SLC26A9: variants seen among roughly 807,000 people sequenced by gnomAD.
The protein encoded by SLC26A9 is anion transporter/exchanger protein 9.
SLC26A9 carries 46 observed loss-of-function variants against 87.1 expected under a neutral mutation model. The observed-to-expected ratio is 0.53, with a 90% confidence interval of 0.42 to 0.67. The LOEUF (loss-of-function observed/expected upper bound fraction) is 0.67, where lower values mean the gene tolerates loss of function less well. Ranked by LOEUF, SLC26A9 falls within the 30% of genes least tolerant of loss-of-function variation. The pLI is 0.00. For synonymous variants in SLC26A9, 437 were observed against 409.1 expected (o/e 1.07, Z -0.82); for missense variants, 927 against 1,018.3 (o/e 0.91, Z 1.22).
intron 2 of SLC26A9, 45 bp downstream of exon 2, chr1:205,935,650 TG>T: frequency 6.2e-7 from 1 of 1,610,588 alleles, no homozygotes; most frequent in Non-Finnish European, 8.5e-7. Context: ...GAAAGGATTT[TG>T]GTAGGGAGCA....
chr1:205,935,462 T>G, intron 2 of SLC26A9: 2 of 440,604 alleles, frequency 4.5e-6, no homozygotes, highest in Non-Finnish European at 7.9e-6. Flanking sequence ...CATGCAGGGG[T>G]TTGGGAATGC....
intron 11 of SLC26A9, 35 bp from the exon 12 acceptor site, chr1:205,926,665 G>T: frequency 6.3e-7 from 1 of 1,591,146 alleles, no homozygotes; most frequent in Non-Finnish European, 8.6e-7. Flanking sequence ...GGACCCCAGG[G>T]TCTCCCCTTC....
In SLC26A9 at chr1:205,915,167, C is replaced by A; in HGVS notation, c.*190G>T. On this transcript the variant is annotated 3_prime_UTR_variant, in exon 21 of 21. Coordinates refer to ENST00000367135, the MANE Select transcript of SLC26A9 (RefSeq NM_052934.4). Reference sequence around the variant, plus strand: ...CTCCTGTAAGGGTAGCACCCCCCTGCTGCTGAGAGGCTCTCTCTGGAGATG... The same window carrying A: ...CTCCTGTAAGGGTAGCACCCCCCTGATGCTGAGAGGCTCTCTCTGGAGATG... 1 of 1,612,490 alleles carries A rather than the reference C, an allele frequency of 6.2e-7. No homozygotes were observed. The highest frequency in any genetic ancestry group is 8.5e-7 in the Non-Finnish European group (1 of 1,178,904).
chr1:205,927,655 G>C (rs1259954016), intron 9 of SLC26A9, 50 bp from the exon 10 acceptor site: 5 of 1,546,824 alleles, frequency 3.2e-6, no homozygotes, highest in Non-Finnish European at 4.4e-6. Flanking sequence ...GGGGGGCACG[G>C]GGACCAAGTG....
rs954293993 is a variant in SLC26A9 at position 205,913,631 on chromosome 1, C to T, written c.*1726G>A. 2.0e-5 allele frequency: 3 copies of T among 152,640 alleles called. No homozygotes were observed. Among genetic ancestry groups the T allele is most frequent in the African/African-American group, 7.2e-5 (3 of 41,446 alleles). 9.5% of individuals were successfully genotyped at this position (152,640 alleles called of 1,614,324 possible). A position where few individuals can be genotyped will look rare whatever the true frequency, so the allele number is the denominator to read the frequency against. On this transcript the variant is annotated 3_prime_UTR_variant, in exon 21 of 21. Coordinates refer to ENST00000367135, the MANE Select transcript of SLC26A9 (RefSeq NM_052934.4). ...GTAGGGGAGAGTGAGTTGTCATTGG[C>T]TAAGGCTCTTGTCCTCCTGGAATTT...
Position 205,923,584 on chromosome 1 carries a change from A to G in SLC26A9, c.1526T>C (p.Met509Thr), listed in dbSNP as rs1558122041. 1 of 1,614,116 alleles carries G rather than the reference A, an allele frequency of 6.2e-7. No homozygotes were observed. The highest frequency in any genetic ancestry group is 1.3e-5 in the African/African-American group (1 of 74,944). The part of the protein sequence containing the change: ...FRNGYALAQV[M>T]DTDIYVNPKT... Reference sequence around the variant, plus strand: ...GGGATTCACATAAATGTCAGTGTCCATGACCTGGGCCAGTGCATAGCCATT... The same window carrying G: ...GGGATTCACATAAATGTCAGTGTCCGTGACCTGGGCCAGTGCATAGCCATT... Residue 509 changes from methionine (M) to threonine (T), a missense_variant, in exon 14 of 21, where the codon ATG (methionine) becomes ACG (threonine). Transcript: ENST00000367135.
At chr1:205,942,480 CG>C (rs375646442) in intron 1 of SLC26A9, among the ~76,000 whole-genome samples, 2 of 152,154 alleles carry the variant, frequency 1.3e-5, no homozygotes, top group African/African-American at 4.8e-5. Context: ...TCCTCAGACC[CG>C]TGGGGCCAAG....
intron 12 of SLC26A9, 52 bp from the exon 13 acceptor site, chr1:205,924,541 C>G (rs373928516): frequency 1.3e-6 from 2 of 1,552,322 alleles, no homozygotes; most frequent in Non-Finnish European, 1.8e-6. Flanking sequence ...CAACCTCTTT[C>G]AGGAAGTCTT....
chr1:205,925,328 G>A (rs1201318184), intron 12 of SLC26A9, among the ~76,000 whole-genome samples: 2 of 152,064 alleles, frequency 1.3e-5, no homozygotes, highest in Non-Finnish European at 2.9e-5. Context: ...GTGGGTAGGG[G>A]GCAACATTGG....
chr1:205,928,395 T>C (rs1157029356), intron 8 of SLC26A9: 2 of 386,404 alleles, frequency 5.2e-6, no homozygotes, highest in Non-Finnish European at 9.5e-6. Flanking sequence ...CTCCCTTGCC[T>C]GTTCCAACCC....
intron 2 of SLC26A9, among the ~76,000 whole-genome samples, chr1:205,933,651 G>A (rs182078690): frequency 1.8e-4 from 27 of 152,294 alleles, no homozygotes; most frequent in South Asian, 6.2e-4. Flanking sequence ...GAATACACCC[G>A]AGTGGGGCCT....
Position 205,914,049 on chromosome 1 carries a change from C to CA in SLC26A9, c.*1307dup, listed in dbSNP as rs1416167923. On this transcript the variant is annotated 3_prime_UTR_variant, in exon 21 of 21. Transcript: ENST00000367135. ...CTTACACATGGAACCTATTTATTTT[C>CA]AAGTCAACAGTAGGGTTCCTCTCAA... 6.6e-6 allele frequency: 1 copy of CA among 152,206 alleles called. No individual in the cohort carries two copies. The highest frequency in any genetic ancestry group is 2.4e-5 in the African/African-American group (1 of 41,448). 9.4% of individuals were successfully genotyped at this position (152,206 alleles called of 1,614,324 possible). A position where few individuals can be genotyped will look rare whatever the true frequency, so the allele number is the denominator to read the frequency against.
Position 205,915,276 on chromosome 1 carries a change from C to T in SLC26A9, c.*81G>A, listed in dbSNP as rs750307759. On this transcript the variant is annotated 3_prime_UTR_variant, in exon 21 of 21. Transcript: ENST00000367135. ...GGATGCACTTTCCTCCGCCCGACAC[C>T]CCCTGTGACCCCAGGCTCATCCTTT... 1 of 1,603,920 alleles carries T rather than the reference C, an allele frequency of 6.2e-7. No homozygotes were observed. The highest frequency in any genetic ancestry group is 1.1e-5 in the South Asian group (1 of 89,638).
At position 205,921,686 on chromosome 1, in the gene SLC26A9, G is replaced by A; in HGVS notation, c.1935C>T (p.Ala645=). 3.1e-6 allele frequency: 5 copies of A among 1,595,902 alleles called. No individual in the cohort carries two copies. Among genetic ancestry groups the A allele is most frequent in the Non-Finnish European group, 4.3e-6 (5 of 1,171,434 alleles). The change falls in exon 17 of 21, where the codon GCC becomes GCT. Residue 645 remains alanine, a synonymous_variant. Transcript: ENST00000367135. ...CCAGCATGTCACTGGGCTCGCCGGG[G>A]GCCTCAGCGGAGGCTGGTGGCTCAC... ...AQSEPPASAE[A]PGEPSDMLAS... is the part of the protein sequence containing the mutation.
rs1289494241 is a variant in SLC26A9 at position 205,914,961 on chromosome 1, G to A, written c.*396C>T. ...GGCTCTGGGACACTTTTTGAAGCTT[G>A]TACAGCAGGCCAGCACAGTTGTACT... On this transcript the variant is annotated 3_prime_UTR_variant, in exon 21 of 21. Coordinates refer to ENST00000367135, the MANE Select transcript of SLC26A9 (RefSeq NM_052934.4). 2 of 1,614,168 alleles carry A rather than the reference G, an allele frequency of 1.2e-6. No individual in the cohort carries two copies. The highest frequency in any genetic ancestry group is 1.7e-5 in the Admixed American group (1 of 60,024).
intron 17 of SLC26A9, among the ~76,000 whole-genome samples, chr1:205,920,659 C>T (rs1658790328): frequency 6.6e-6 from 1 of 152,182 alleles, no homozygotes; most frequent in South Asian, 2.1e-4. Flanking sequence ...GTCACCACAC[C>T]TGGCTAATTT....
intron 7 of SLC26A9, 24 bp downstream of exon 7, chr1:205,929,180 C>T (rs533150531): frequency 6.2e-7 from 1 of 1,604,608 alleles, no homozygotes; most frequent in Non-Finnish European, 8.5e-7. Context: ...CCCCCAACAT[C>T]CCAGCTCTGA....
chr1:205,930,560 C>G (rs1659263613), intron 5 of SLC26A9, among the ~76,000 whole-genome samples: 1 of 152,164 alleles, frequency 6.6e-6, no homozygotes, highest in African/African-American at 2.4e-5. Context: ...ATCCACCTCC[C>G]ACTCATCATT....
In SLC26A9 at chr1:205,933,357, A is replaced by G. The variant is rs537245261; in HGVS notation, c.126-273T>C. On this transcript the variant is annotated intron_variant, in intron 2 of 20. Coordinates refer to ENST00000367135, the MANE Select transcript of SLC26A9 (RefSeq NM_052934.4). ...AAAGGTATGAGTGTTATGGTGGCTC[A>G]GCCTTCGGAGGTATCAGATCCATCC... Among the ~76,000 whole-genome samples the G allele has an allele frequency of 1.1e-4, 16 of 152,286 alleles. 1 individual carries two copies. The South Asian group carries it at 3.3e-3, about 32-fold the overall frequency.
Sources: allele counts gnomAD v4.1 joint callset (sites outside exome capture counted in the v4.1 genomes callset), GRCh38; gene constraint gnomAD v4.1.1; transcripts MANE v1.5; gene names NCBI Gene and HGNC (gene_info 2026-07-23, HGNC 2026-07-21).